Variants in TRIO observed in about 807,000 individuals in gnomAD.
TRIO encodes triple functional domain protein.
In TRIO, 58 loss-of-function variants were observed where a neutral mutation model predicts 351.9. The observed-to-expected ratio is 0.16, with a 90% CI of 0.13 to 0.21. TRIO has a LOEUF of 0.21. Among genes scored for constraint, TRIO ranks in the 10% least tolerant of loss-of-function variants. The pLI is 1.00. For missense variants in TRIO, 3,201 were observed against 4,027.8 expected (o/e 0.79, Z 5.56); for synonymous variants, 1,758 against 1,595.7 (o/e 1.10, Z -2.42).
intron 1 of TRIO, among the ~76,000 whole-genome samples, chr5:14,200,584 A>T (rs1485634647): frequency 6.6e-6 from 1 of 152,176 alleles, no homozygotes. Flanking sequence ...ATTTTCCCCC[A>T]TTGGACCTGG....
At chr5:14,166,725 A>G (rs1037538414) in intron 1 of TRIO, among the ~76,000 whole-genome samples, 5 of 152,110 alleles carry the variant, frequency 3.3e-5, no homozygotes, top group African/African-American at 9.7e-5. Flanking sequence ...CGTGGTAACT[A>G]TTGAGCCAGC....
At chr5:14,165,851 G>A (rs539134445) in intron 1 of TRIO, among the ~76,000 whole-genome samples, 1 of 152,332 alleles carries the variant, frequency 6.6e-6, no homozygotes, top group Admixed American at 6.5e-5. Flanking sequence ...GCCTCCAGAG[G>A]TAGGAACGCC....
At chr5:14,447,714 C>T (rs1752544841) in intron 34 of TRIO, among the ~76,000 whole-genome samples, 1 of 152,078 alleles carries the variant, frequency 6.6e-6, no homozygotes, top group African/African-American at 2.4e-5. Flanking sequence ...AAGACATTAG[C>T]CAAAAATAAA....
At chr5:14,438,652 T>C (rs1364631246) in intron 34 of TRIO, among the ~76,000 whole-genome samples, 1 of 152,244 alleles carries the variant, frequency 6.6e-6, no homozygotes, top group East Asian at 1.9e-4. Flanking sequence ...TCCCTGGCCA[T>C]GCCACCATGG....
At chr5:14,322,541 G>A (rs1228835813) in intron 9 of TRIO, among the ~76,000 whole-genome samples, 1 of 152,208 alleles carries the variant, frequency 6.6e-6, no homozygotes, top group Admixed American at 6.5e-5. Flanking sequence ...TAATTTCACA[G>A]ATTTGCCTCA....
chr5:14,361,739 C>A (rs1449600171), intron 13 of TRIO, among the ~76,000 whole-genome samples: 1 of 152,200 alleles, frequency 6.6e-6, no homozygotes, highest in African/African-American at 2.4e-5. Context: ...ATAGGATCCA[C>A]GGAAAATGTC....
intron 55 of TRIO, among the ~76,000 whole-genome samples, chr5:14,506,526 C>G (rs1757698587): frequency 1.3e-5 from 2 of 152,208 alleles, no homozygotes; most frequent in Non-Finnish European, 2.9e-5. Flanking sequence ...AATGGGTACA[C>G]TAAGGCCCAC....
chr5:14,163,965 CTT>C (rs1401028278), intron 1 of TRIO, among the ~76,000 whole-genome samples: 15 of 152,128 alleles, frequency 9.9e-5, no homozygotes, highest in African/African-American at 3.4e-4. Context: ...CTGAGTTGCT[CTT>C]GTGTGAATGT....
intron 1 of TRIO, among the ~76,000 whole-genome samples, chr5:14,216,411 G>T (rs779782046): frequency 3.3e-5 from 5 of 152,192 alleles, no homozygotes; most frequent in Non-Finnish European, 7.4e-5. Flanking sequence ...AAAAGATGTG[G>T]TGTTTCAAAC....
intron 27 of TRIO, among the ~76,000 whole-genome samples, chr5:14,392,252 A>G (rs1437370054): frequency 6.6e-6 from 1 of 151,122 alleles, no homozygotes; most frequent in Non-Finnish European, 1.5e-5. Context: ...AAAAAAAAAA[A>G]CCTATCAAAA....
chr5:14,205,242 G>A (rs1016930806), intron 1 of TRIO, among the ~76,000 whole-genome samples: 1 of 152,224 alleles, frequency 6.6e-6, no homozygotes, highest in Admixed American at 6.5e-5. Context: ...CACATCCACC[G>A]CATGCTTCCT....
At chr5:14,411,062 C>T (rs1749158250) in intron 33 of TRIO, among the ~76,000 whole-genome samples, 1 of 152,124 alleles carries the variant, frequency 6.6e-6, no homozygotes, top group Non-Finnish European at 1.5e-5. Flanking sequence ...CATCTCCCTG[C>T]GGTAGGGAGG....
intron 26 of TRIO, 51 bp downstream of exon 26, chr5:14,390,351 A>G (rs753919279): frequency 4.5e-6 from 7 of 1,555,678 alleles, no homozygotes; most frequent in South Asian, 1.1e-5. Flanking sequence ...GTGACGTTGA[A>G]GGAAGTTAGG....
At chr5:14,216,800 G>T (rs1455561571) in intron 1 of TRIO, among the ~76,000 whole-genome samples, 1 of 152,242 alleles carries the variant, frequency 6.6e-6, no homozygotes, top group Non-Finnish European at 1.5e-5. Flanking sequence ...CAGTACAGTT[G>T]TTTTTACTGT....
intron 2 of TRIO, among the ~76,000 whole-genome samples, chr5:14,279,087 G>T (rs1399083265): frequency 1.3e-5 from 2 of 152,074 alleles, no homozygotes; most frequent in Non-Finnish European, 2.9e-5. Flanking sequence ...TACCCTACCT[G>T]GATCTGTTGT....
At chr5:14,337,418 A>G (rs1047936903) in intron 11 of TRIO, among the ~76,000 whole-genome samples, 1 of 152,216 alleles carries the variant, frequency 6.6e-6, no homozygotes, top group Non-Finnish European at 1.5e-5. Context: ...AGGGATGTCA[A>G]CTTACCACAC....
At chr5:14,470,075 G>C (rs1754572852) in intron 37 of TRIO, among the ~76,000 whole-genome samples, 1 of 152,116 alleles carries the variant, frequency 6.6e-6, no homozygotes, top group Non-Finnish European at 1.5e-5. Context: ...AAGCTCAATG[G>C]CTATTTATTT....
At chr5:14,359,264 C>T (rs1273585550) in intron 12 of TRIO, 93 bp from the exon 13 acceptor site, 1 of 1,479,932 alleles carries the variant, frequency 6.8e-7, no homozygotes, top group African/African-American at 1.4e-5. Context: ...TTCCTGCCAG[C>T]TTTCTTCCCC....
chr5:14,455,723 A>G (rs1414327115), intron 34 of TRIO, among the ~76,000 whole-genome samples: 3 of 152,188 alleles, frequency 2.0e-5, no homozygotes, highest in Admixed American at 1.3e-4. Flanking sequence ...TGGTGCATCC[A>G]TGAACCCTGA....
Sources: gnomAD v4.1 joint callset for allele counts (sites outside exome capture counted in the v4.1 genomes callset) on GRCh38, gnomAD v4.1.1 for gene constraint, MANE v1.5 for transcripts, NCBI Gene and HGNC (gene_info 2026-07-23, HGNC 2026-07-21) for gene names.